Variants in PIP5K1B observed in about 807,000 individuals in gnomAD.
The protein encoded by PIP5K1B is phosphatidylinositol 4-phosphate 5-kinase type-1 beta.
In PIP5K1B, 42 loss-of-function variants were observed where a neutral mutation model predicts 67.0. The observed-to-expected ratio is 0.63, with a 90% CI of 0.49 to 0.81. PIP5K1B has a LOEUF of 0.81. PIP5K1B is among the 30% of genes least tolerant of loss of function. The pLI is 0.00. For synonymous variants in PIP5K1B, 214 were observed against 231.4 expected, an observed-to-expected ratio of 0.92 and a Z score of 0.68; for missense variants, 459 against 646.3, an observed-to-expected ratio of 0.71 and a Z score of 3.14.
rs1201751083 is a variant in PIP5K1B, at chr9:68,705,594, C to T, written c.-411C>T. On this transcript the variant is annotated 5_prime_UTR_variant, in exon 1 of 16. Coordinates refer to ENST00000265382, the MANE Select transcript of PIP5K1B (RefSeq NM_003558.4). ...TGCCCGCCCTCAGCGTTGCCCCCGGCCCCGGCCCCGCCCGCCGCCCCCTCC... is the reference window on the plus strand; with the variant it reads ...TGCCCGCCCTCAGCGTTGCCCCCGGTCCCGGCCCCGCCCGCCGCCCCCTCC... 1 of 141,598 alleles carries T rather than the reference C, an allele frequency of 7.1e-6. No individual in the cohort carries two copies. The highest frequency in any genetic ancestry group is 7.0e-5 in the Admixed American group (1 of 14,334). The allele number at this position is 141,598 out of a possible 1,614,324, so 8.8% of individuals were successfully genotyped here. A position where few individuals can be genotyped will look rare whatever the true frequency, so the allele number is the denominator to read the frequency against.
chr9:68,762,115 T>C (rs1167216275), intron 2 of PIP5K1B, among the ~76,000 whole-genome samples: 1 of 152,080 alleles, frequency 6.6e-6, no homozygotes, highest in African/African-American at 2.4e-5. Context: ...GCTGTCACAA[T>C]CTCCAGCTAT....
At chr9:68,838,839 T>C (rs933933486) in intron 4 of PIP5K1B, among the ~76,000 whole-genome samples, 5 of 152,196 alleles carry the variant, frequency 3.3e-5, no homozygotes, top group African/African-American at 1.2e-4. Flanking sequence ...GGAAAGGCAA[T>C]TATTGTAAAC....
chr9:68,938,271 T>C (rs1336902519), intron 13 of PIP5K1B, among the ~76,000 whole-genome samples: 1 of 152,234 alleles, frequency 6.6e-6, no homozygotes, highest in Non-Finnish European at 1.5e-5. Context: ...GCTTTATGAA[T>C]CTGGGTTCTC....
chr9:68,719,828 C>T (rs1827800918), intron 1 of PIP5K1B, among the ~76,000 whole-genome samples: 1 of 152,188 alleles, frequency 6.6e-6, no homozygotes, highest in African/African-American at 2.4e-5. Context: ...AAACATGATG[C>T]ATCATTTCAT....
rs1829962703 is a variant in PIP5K1B at position 68,757,089 on chromosome 9, C to T, written c.-86+14432C>T. ...AATTGAAAAAGTAGACTGACATTCC[C>T]AAGTTGTTCCAACATACTTAGCAGT... is the stretch of plus-strand genomic sequence containing the variant. On this transcript the variant is annotated intron_variant, in intron 2 of 15. Transcript: ENST00000265382. Among the ~76,000 whole-genome samples the T allele has an allele frequency of 3.3e-5, 5 of 152,130 alleles. No individual in the cohort carries two copies. In the South Asian group the frequency reaches 1.0e-3, roughly 31 times the overall value.
At chr9:68,882,571 T>C (rs976641239) in intron 6 of PIP5K1B, among the ~76,000 whole-genome samples, 1 of 152,214 alleles carries the variant, frequency 6.6e-6, no homozygotes, top group African/African-American at 2.4e-5. Flanking sequence ...TGGGAGCAGA[T>C]GTTCAGGTCT....
intron 4 of PIP5K1B, among the ~76,000 whole-genome samples, chr9:68,838,625 G>A (rs1821756823): frequency 6.6e-6 from 1 of 151,986 alleles, no homozygotes; most frequent in Admixed American, 6.6e-5. Context: ...GGGGAGCAAG[G>A]GTTGAAAAAA....
At chr9:68,844,603 G>C (rs1022122115) in intron 4 of PIP5K1B, among the ~76,000 whole-genome samples, 2 of 134,822 alleles carry the variant, frequency 1.5e-5, no homozygotes, top group African/African-American at 6.7e-5. Context: ...CAGTGGGGGA[G>C]ATCCAATGGG....
At chr9:68,865,898 C>A (rs1823331706) in intron 5 of PIP5K1B, among the ~76,000 whole-genome samples, 2 of 152,192 alleles carry the variant, frequency 1.3e-5, no homozygotes, top group Non-Finnish European at 2.9e-5. Flanking sequence ...GAGAGAGAAT[C>A]TTTCTGGTAG....
intron 8 of PIP5K1B, among the ~76,000 whole-genome samples, chr9:68,895,681 G>A (rs961654757): frequency 3.3e-5 from 5 of 151,074 alleles, no homozygotes; most frequent in African/African-American, 1.2e-4. Context: ...GCATGATTGT[G>A]CACAAAAATG....
At chr9:68,968,806 T>C (rs1012692565) in intron 14 of PIP5K1B, among the ~76,000 whole-genome samples, 1 of 152,052 alleles carries the variant, frequency 6.6e-6, no homozygotes, top group Admixed American at 6.6e-5. Flanking sequence ...AGCTCCCAGT[T>C]ATGTCTCATG....
intron 11 of PIP5K1B, among the ~76,000 whole-genome samples, chr9:68,920,075 G>A (rs111905393): frequency 0.018 from 2,772 of 152,274 alleles, 71 homozygotes; most frequent in African/African-American, 0.06. Flanking sequence ...GCTACAGTAA[G>A]TGTGAGTCCT....
intron 14 of PIP5K1B, among the ~76,000 whole-genome samples, chr9:68,957,551 A>C (rs1269267471): frequency 1.3e-5 from 2 of 152,236 alleles, no homozygotes; most frequent in Non-Finnish European, 2.9e-5. Context: ...ATGAAGACCC[A>C]AAAAAACAGG....
At chr9:68,969,186 G>A (rs1435546752) in intron 14 of PIP5K1B, among the ~76,000 whole-genome samples, 1 of 151,974 alleles carries the variant, frequency 6.6e-6, no homozygotes, top group Non-Finnish European at 1.5e-5. Context: ...GGCTAACACA[G>A]TGAAACCCCG....
chr9:69,002,453 G>T (rs1830863925), intron 15 of PIP5K1B, among the ~76,000 whole-genome samples: 1 of 152,154 alleles, frequency 6.6e-6, no homozygotes, highest in Non-Finnish European at 1.5e-5. Flanking sequence ...ACTAGCACGT[G>T]TATTTGTTTC....
At chr9:68,889,169 A>C in intron 7 of PIP5K1B, 36 bp downstream of exon 7, 1 of 1,523,602 alleles carries the variant, frequency 6.6e-7, no homozygotes, top group South Asian at 1.2e-5. Flanking sequence ...TTCTACTTGA[A>C]GTTTAATTAC....
chr9:68,861,930 C>A (rs1823102677), intron 4 of PIP5K1B, among the ~76,000 whole-genome samples: 1 of 150,632 alleles, frequency 6.6e-6, no homozygotes, highest in Admixed American at 6.6e-5. Flanking sequence ...ACACTGAATG[C>A]ACTGTGGGCT....
At chr9:68,947,950 T>G (rs996100784) in intron 14 of PIP5K1B, among the ~76,000 whole-genome samples, 5 of 152,166 alleles carry the variant, frequency 3.3e-5, no homozygotes, top group Non-Finnish European at 5.9e-5. Flanking sequence ...ATAAGGCAGG[T>G]GACACAGTTT....
In PIP5K1B at chr9:68,925,795, AT is replaced by A. The variant is rs71353094; in HGVS notation, c.1201+2429del. Among the ~76,000 whole-genome samples the A allele has an allele frequency of 6.1e-4, 45 of 73,278 alleles. 2 individuals are homozygous for A. In the East Asian group the frequency reaches 0.017, roughly 28 times the overall value. 48.1% of individuals were successfully genotyped at this position (73,278 alleles called of 152,430 possible). On this transcript the variant is annotated intron_variant, in intron 12 of 15. Transcript: ENST00000265382. The stretch of plus-strand genomic sequence containing the variant: ...ACATGAATACCAGCTTGTGGTTCCA[AT>A]TTTTTTTTTTTTTTTTTTTGAGACA...
Sources: gnomAD v4.1 joint callset for allele counts (sites outside exome capture counted in the v4.1 genomes callset) on GRCh38, gnomAD v4.1.1 for gene constraint, MANE v1.5 for transcripts, NCBI Gene and HGNC (gene_info 2026-07-23, HGNC 2026-07-21) for gene names.